The following TLN2 variants were observed in gnomAD, a reference collection of about 807,000 sequenced individuals.
The protein encoded by TLN2 is talin-2.
A neutral mutation model predicts 294.7 loss-of-function variants in TLN2; 118 were observed. That is an observed-to-expected ratio of 0.40 (90% confidence interval 0.34 to 0.47). The LOEUF (loss-of-function observed/expected upper bound fraction) is 0.47, where lower values mean the gene tolerates loss of function less well. Ranked by LOEUF, TLN2 falls within the 20% of genes least tolerant of loss-of-function variation. The pLI, the probability that TLN2 is intolerant of heterozygous loss-of-function variation, is 0.84. For synonymous variants in TLN2, 1,431 were observed against 1,304.5 expected (o/e 1.10, Z -2.09); for missense variants, 3,083 against 3,282.2 (o/e 0.94, Z 1.48).
In TLN2 at chr15:62,800,388, C is replaced by A. The variant is rs375305204; in HGVS notation, c.6255C>A (p.Ile2085=). The change falls in exon 49 of 59, where the codon ATC becomes ATA. Residue 2085 remains isoleucine (I), a synonymous_variant. Coordinates refer to ENST00000636159, the MANE Select transcript of TLN2 (RefSeq NM_015059.3). Reference sequence around the variant, plus strand: ...TTCAGGTGGTTTTGATCAATGCCATCAAAGATGTGGCCAAGGCCCTTTCTG... The same window carrying A: ...TTCAGGTGGTTTTGATCAATGCCATAAAAGATGTGGCCAAGGCCCTTTCTG... ...PETQVVLINA[I]KDVAKALSDL... 1.9e-6 allele frequency: 3 copies of A among 1,614,088 alleles called. No individual in the cohort carries two copies. The highest frequency in any genetic ancestry group is 2.5e-6 in the Non-Finnish European group (3 of 1,180,022).
At chr15:62,478,376 C>T (rs2140377152) in intron 1 of TLN2, among the ~76,000 whole-genome samples, 1 of 152,308 alleles carries the variant, frequency 6.6e-6, no homozygotes, top group East Asian at 1.9e-4. Context: ...TACCCACCCT[C>T]AGCTTAGACC....
intron 1 of TLN2, among the ~76,000 whole-genome samples, chr15:62,536,956 T>C (rs1218535664): frequency 2.6e-5 from 4 of 152,058 alleles, no homozygotes; most frequent in Non-Finnish European, 4.4e-5. Context: ...GAATGTACAA[T>C]AAGTTCTGGT....
intron 9 of TLN2, among the ~76,000 whole-genome samples, chr15:62,672,796 G>A (rs557982863): frequency 6.6e-6 from 1 of 152,028 alleles, no homozygotes; most frequent in Non-Finnish European, 1.5e-5. Flanking sequence ...GTGGTGTCGG[G>A]GGGTTGCCAC....
intron 1 of TLN2, among the ~76,000 whole-genome samples, chr15:62,558,085 G>T (rs2042706461): frequency 6.6e-6 from 1 of 152,148 alleles, no homozygotes; most frequent in Admixed American, 6.5e-5. Flanking sequence ...CTGAAGAAAA[G>T]ACTTTGCTAA....
chr15:62,740,047 G>GTTT (rs566155596), intron 31 of TLN2, among the ~76,000 whole-genome samples: 10 of 136,206 alleles, frequency 7.3e-5, no homozygotes, highest in East Asian at 4.3e-4. Context: ...TGTGTTTTTT[G>GTTT]TTTTTTTTTT....
intron 53 of TLN2, 126 bp downstream of exon 53, chr15:62,819,747 T>C (rs2067406267): frequency 1.3e-6 from 1 of 755,742 alleles, no homozygotes; most frequent in Admixed American, 2.9e-5. Flanking sequence ...AGGAATACAG[T>C]GAGGACTTTC....
At chr15:62,589,406 T>A (rs1352873590) in intron 1 of TLN2, among the ~76,000 whole-genome samples, 1 of 152,218 alleles carries the variant, frequency 6.6e-6, no homozygotes, top group Non-Finnish European at 1.5e-5. Flanking sequence ...TGGTTTTTGT[T>A]TAAATTCAAA....
At chr15:62,683,237 C>T (rs373397814) in intron 11 of TLN2, among the ~76,000 whole-genome samples, 2 of 152,226 alleles carry the variant, frequency 1.3e-5, no homozygotes, top group East Asian at 1.9e-4. Context: ...CCATCCAGTT[C>T]TGGATCTCAG....
intron 1 of TLN2, among the ~76,000 whole-genome samples, chr15:62,522,086 C>T (rs565166779): frequency 1.3e-5 from 2 of 152,214 alleles, no homozygotes; most frequent in African/African-American, 2.4e-5. Context: ...ACTTCTCTGG[C>T]GTCCTCTTGG....
At chr15:62,628,359 A>G (rs574914034) in intron 3 of TLN2, among the ~76,000 whole-genome samples, 1 of 152,372 alleles carries the variant, frequency 6.6e-6, no homozygotes, top group Admixed American at 6.5e-5. Flanking sequence ...GGTGACTTGC[A>G]TAGGCAAAAC....
intron 57 of TLN2, among the ~76,000 whole-genome samples, chr15:62,836,432 T>C (rs1445291074): frequency 6.6e-6 from 1 of 152,216 alleles, no homozygotes; most frequent in Non-Finnish European, 1.5e-5. Flanking sequence ...ACCACTCAGG[T>C]TCCCATCACA....
intron 1 of TLN2, among the ~76,000 whole-genome samples, chr15:62,457,393 A>G (rs1425839317): frequency 6.6e-6 from 1 of 152,228 alleles, no homozygotes; most frequent in Admixed American, 6.5e-5. Context: ...CACCAGCACC[A>G]TCCCCCTTGG....
chr15:62,745,282 G>C (rs752660784), intron 32 of TLN2, among the ~76,000 whole-genome samples: 1 of 151,712 alleles, frequency 6.6e-6, no homozygotes, highest in Admixed American at 6.6e-5. Context: ...TAGCTTTTTT[G>C]TATTTTTAAA....
At chr15:62,827,764 A>G (rs1044166814) in intron 54 of TLN2, 1 of 152,234 alleles carries the variant, frequency 6.6e-6, no homozygotes, top group Non-Finnish European at 1.5e-5. Context: ...TGAAAAAAAC[A>G]ATTTTTGATA....
At chr15:62,708,868 G>A in intron 21 of TLN2, 72 bp downstream of exon 21, 1 of 1,497,416 alleles carries the variant, frequency 6.7e-7, no homozygotes, top group Non-Finnish European at 8.9e-7. Context: ...AACCCATAGG[G>A]AAGGTGAAGG....
intron 45 of TLN2, among the ~76,000 whole-genome samples, chr15:62,786,097 G>C (rs892839469): frequency 2.0e-5 from 3 of 151,734 alleles, no homozygotes; most frequent in Non-Finnish European, 4.4e-5. Flanking sequence ...CCAGTGGCTT[G>C]CTAAGGAAAA....
At chr15:62,487,524 C>T (rs989714299) in intron 1 of TLN2, among the ~76,000 whole-genome samples, 23 of 152,080 alleles carry the variant, frequency 1.5e-4, no homozygotes, top group African/African-American at 5.3e-4. Flanking sequence ...CCTATTGTTC[C>T]CACTTGTCAT....
rs78075218 is a variant in TLN2 at position 62,811,061 on chromosome 15, C to T, written c.6771+1029C>T. On this transcript the variant is annotated intron_variant, in intron 52 of 58. Transcript: ENST00000636159. ...TTGAAGTCACCCATCTGTTCAGCAA[C>T]AGAGCTGGATCCAAATCTCAATTCT... Among the ~76,000 whole-genome samples the T allele has an allele frequency of 9.0e-3, 1,365 of 152,372 alleles. 23 individuals are homozygous for T. Among genetic ancestry groups the T allele is most frequent in the African/African-American group, 0.03 (1,262 of 41,584 alleles).
chr15:62,781,385 A>G, intron 44 of TLN2, 144 bp downstream of exon 44: 4 of 614,630 alleles, frequency 6.5e-6, no homozygotes, highest in East Asian at 2.8e-5. Context: ...TCTGTCCTTT[A>G]TCTGTGGTCT....
Sources: allele counts gnomAD v4.1 joint callset (sites outside exome capture counted in the v4.1 genomes callset), GRCh38; gene constraint gnomAD v4.1.1; transcripts MANE v1.5; gene names NCBI Gene and HGNC (gene_info 2026-07-23, HGNC 2026-07-21).